RBFOX1: variants seen among roughly 807,000 people sequenced by gnomAD.
The protein encoded by RBFOX1 is RNA binding fox-1 homolog 1.
RBFOX1 carries 8 observed loss-of-function variants against 57.7 expected under a neutral mutation model. The observed-to-expected ratio is 0.14, with a 90% CI of 0.08 to 0.25. RBFOX1 has a LOEUF of 0.25. RBFOX1 is among the 10% of genes least tolerant of loss of function. The probability of loss-of-function intolerance (pLI) is 1.00; values close to 1 mark genes in which losing one functional copy is unlikely to be tolerated. For missense variants in RBFOX1, 611 were observed against 548.5 expected (o/e 1.11, Z -1.14); for synonymous variants, 326 against 222.4 (o/e 1.47, Z -4.15).
rs111801028 is a variant in RBFOX1, at chr16:6,723,187, G to C, written c.-16+68537G>C. Among the ~76,000 whole-genome samples, 354 of 152,286 alleles carry C rather than the reference G, an allele frequency of 2.3e-3. 2 individuals carry two copies. The highest frequency in any genetic ancestry group is 8.3e-3 in the African/African-American group (344 of 41,556). On this transcript the variant is annotated intron_variant, in intron 3 of 15. Transcript: ENST00000550418. ...ATTTAGGAAGGCAGTGTAATATAGT[G>C]GATAAAAGTGTGGGCATTGGGGTTT...
At chr16:7,034,850 T>TTTTTC (rs1447766798) in intron 3 of RBFOX1, among the ~76,000 whole-genome samples, 1 of 78,924 alleles carries the variant, frequency 1.3e-5, no homozygotes, top group African/African-American at 5.6e-5. Flanking sequence ...TCTTTTTTCT[T>TTTTTC]TTTTTTTTTT....
intron 4 of RBFOX1, among the ~76,000 whole-genome samples, chr16:7,184,148 A>G (rs767960461): frequency 6.6e-6 from 1 of 152,200 alleles, no homozygotes; most frequent in Non-Finnish European, 1.5e-5. Flanking sequence ...GTGTATTTGA[A>G]GATCATAAAA....
chr16:7,268,849 C>T (rs937083387), intron 4 of RBFOX1, among the ~76,000 whole-genome samples: 1 of 151,704 alleles, frequency 6.6e-6, no homozygotes, highest in African/African-American at 2.4e-5. Context: ...CCAGTTTCAC[C>T]AACATGGTGA....
chr16:5,262,772 G>A (rs2062767007), intron 1 of RBFOX1, among the ~76,000 whole-genome samples: 2 of 152,230 alleles, frequency 1.3e-5, no homozygotes, highest in African/African-American at 4.8e-5. Context: ...TGCTGATGGG[G>A]AGTTTGGATT....
chr16:6,752,243 T>C (rs893675954), intron 3 of RBFOX1, among the ~76,000 whole-genome samples: 1 of 152,192 alleles, frequency 6.6e-6, no homozygotes, highest in African/African-American at 2.4e-5. Context: ...ATTAAAAATA[T>C]TGATTTGTCA....
chr16:5,982,665 C>G (rs1246440644), intron 4 of RBFOX1, among the ~76,000 whole-genome samples: 1 of 152,168 alleles, frequency 6.6e-6, no homozygotes, highest in Non-Finnish European at 1.5e-5. Context: ...CTGCTGAAAT[C>G]TCATCTCACC....
At chr16:7,309,701 C>T (rs147682711) in intron 4 of RBFOX1, among the ~76,000 whole-genome samples, 170 of 152,164 alleles carry the variant, frequency 1.1e-3, no homozygotes, top group Non-Finnish European at 2.3e-3. Context: ...TTCATATTGG[C>T]CGGGTGAAAA....
chr16:7,052,841 G>T (rs916643540), intron 4 of RBFOX1, among the ~76,000 whole-genome samples: 1 of 152,146 alleles, frequency 6.6e-6, no homozygotes, highest in Non-Finnish European at 1.5e-5. Flanking sequence ...CGTGTTTTCA[G>T]TGGATGAGAT....
At chr16:6,452,540 T>C (rs2094656919) in intron 2 of RBFOX1, among the ~76,000 whole-genome samples, 1 of 152,200 alleles carries the variant, frequency 6.6e-6, no homozygotes, top group African/African-American at 2.4e-5. Flanking sequence ...CTGAGAAGCA[T>C]CTACCAGGGA....
intron 2 of RBFOX1, among the ~76,000 whole-genome samples, chr16:6,319,774 C>A (rs1241591695): frequency 6.6e-6 from 1 of 152,128 alleles, no homozygotes; most frequent in Admixed American, 6.5e-5. Context: ...GTAGCAGGGT[C>A]GGTGTTGGAA....
intron 4 of RBFOX1, among the ~76,000 whole-genome samples, chr16:7,152,099 C>G (rs1464640796): frequency 6.6e-6 from 1 of 152,188 alleles, no homozygotes; most frequent in Non-Finnish European, 1.5e-5. Context: ...AAAACCTTCT[C>G]ACACATGGGT....
At chr16:6,166,438 G>T (rs575876232) in intron 1 of RBFOX1, among the ~76,000 whole-genome samples, 2 of 150,844 alleles carry the variant, frequency 1.3e-5, no homozygotes, top group South Asian at 2.1e-4. Flanking sequence ...GGTCATCAAG[G>T]TGTCTCTCTC....
chr16:6,785,317 T>C (rs2081758475), intron 3 of RBFOX1, among the ~76,000 whole-genome samples: 1 of 152,166 alleles, frequency 6.6e-6, no homozygotes, highest in Admixed American at 6.5e-5. Context: ...ATCTCATTTA[T>C]CCAGACATCT....
At chr16:6,568,824 A>G (rs1443937675) in intron 2 of RBFOX1, among the ~76,000 whole-genome samples, 1 of 152,084 alleles carries the variant, frequency 6.6e-6, no homozygotes, top group Admixed American at 6.6e-5. Flanking sequence ...GCTGGAGTGC[A>G]GTGGCGCGAT....
At position 5,459,986 on chromosome 16, in the gene RBFOX1, C is replaced by T. The variant is rs143842286; in HGVS notation, c.220-7230C>T. Reference sequence around the variant, plus strand: ...TCTCAGCTGCAAAGACATTCCATGGCCTCCTTCCTACACTTGCATGTTTAG... The same window carrying T: ...TCTCAGCTGCAAAGACATTCCATGGTCTCCTTCCTACACTTGCATGTTTAG... On this transcript the variant is annotated intron_variant, in intron 1 of 2. Coordinates refer to the RBFOX1 transcript ENST00000585867. Among the ~76,000 whole-genome samples the T allele has an allele frequency of 3.5e-3, 532 of 152,288 alleles. 13 individuals carry two copies. The highest frequency in any genetic ancestry group is 0.031 in the Admixed American group (480 of 15,296).
chr16:5,765,085 C>G (rs530710207), intron 3 of RBFOX1, among the ~76,000 whole-genome samples: 1 of 152,166 alleles, frequency 6.6e-6, no homozygotes, highest in African/African-American at 2.4e-5. Context: ...TGTGCACAGG[C>G]AAGCATGTTT....
chr16:6,493,811 C>A (rs2095691925), intron 2 of RBFOX1, among the ~76,000 whole-genome samples: 1 of 152,228 alleles, frequency 6.6e-6, no homozygotes, highest in South Asian at 2.1e-4. Context: ...GCAGATTTCA[C>A]TTCCTTTAAA....
chr16:5,753,755 C>G (rs1182867604), intron 3 of RBFOX1, among the ~76,000 whole-genome samples: 3 of 152,138 alleles, frequency 2.0e-5, no homozygotes, highest in Non-Finnish European at 2.9e-5. Context: ...CAGCACTGCT[C>G]TCCCTTGTAT....
intron 3 of RBFOX1, among the ~76,000 whole-genome samples, chr16:6,933,133 C>T (rs1027217546): frequency 2.0e-5 from 3 of 152,186 alleles, no homozygotes; most frequent in African/African-American, 7.2e-5. Flanking sequence ...TTTCTCTTAT[C>T]CCTCCATTCA....
Sources: gnomAD v4.1 joint callset for allele counts (sites outside exome capture counted in the v4.1 genomes callset) on GRCh38, gnomAD v4.1.1 for gene constraint, MANE v1.5 for transcripts, NCBI Gene and HGNC (gene_info 2026-07-23, HGNC 2026-07-21) for gene names.